The following CCDC85A variants were observed in gnomAD, a reference collection of about 807,000 sequenced individuals.
CCDC85A encodes the protein coiled-coil domain containing 85A, also known as coiled-coil domain-containing protein 85A.
A neutral mutation model predicts 50.2 loss-of-function variants in CCDC85A; 38 were observed. That is an observed-to-expected ratio of 0.76 (90% CI 0.58 to 0.99). The LOEUF (loss-of-function observed/expected upper bound fraction) is 0.99. Ranked by LOEUF, CCDC85A falls within the 50% of genes least tolerant of loss-of-function variation. The pLI, the probability that CCDC85A is intolerant of heterozygous loss-of-function variation, is 0.00. For missense variants in CCDC85A, 820 were observed against 742.0 expected, an observed-to-expected ratio of 1.11 and a Z score of -1.22; for synonymous variants, 366 against 301.4, an observed-to-expected ratio of 1.21 and a Z score of -2.22.
At chr2:56,254,228 C>A (rs1350959924) in intron 2 of CCDC85A, among the ~76,000 whole-genome samples, 1 of 151,852 alleles carries the variant, frequency 6.6e-6, no homozygotes, top group East Asian at 1.9e-4. Flanking sequence ...AAAATTAATA[C>A]CTACCTCCTG....
At chr2:56,317,221 A>G (rs1672962279) in intron 2 of CCDC85A, among the ~76,000 whole-genome samples, 4 of 152,160 alleles carry the variant, frequency 2.6e-5, no homozygotes, top group Non-Finnish European at 5.9e-5. Context: ...AACTTTAATG[A>G]AAATATGTAG....
chr2:56,206,082 G>A (rs932134375), intron 2 of CCDC85A, among the ~76,000 whole-genome samples: 1 of 152,148 alleles, frequency 6.6e-6, no homozygotes. Context: ...GTGAGGAGAT[G>A]AGTAGGTCTA....
At chr2:56,224,522 G>C (rs1668462373) in intron 2 of CCDC85A, among the ~76,000 whole-genome samples, 1 of 152,126 alleles carries the variant, frequency 6.6e-6, no homozygotes, top group African/African-American at 2.4e-5. Context: ...AACATTTTGA[G>C]AACCTGCCAG....
At chr2:56,226,207 G>A (rs1232775900) in intron 2 of CCDC85A, among the ~76,000 whole-genome samples, 1 of 152,198 alleles carries the variant, frequency 6.6e-6, no homozygotes. Context: ...TGCTCTGAGA[G>A]AAATTTACTT....
At position 56,184,637 on chromosome 2, in the gene CCDC85A, G is replaced by T. The variant is rs1207993111; in HGVS notation, c.13G>T (p.Ala5Ser). 1 of 1,432,430 alleles carries T rather than the reference G, an allele frequency of 7.0e-7. No individual in the cohort carries two copies. Among genetic ancestry groups the T allele is most frequent in the Non-Finnish European group, 9.0e-7 (1 of 1,106,756 alleles). The allele number at this position is 1,432,430 out of a possible 1,614,324, so 88.7% of individuals were successfully genotyped here. MSKA[A>S]GGAAAAAAAA... ...CCCCGCGGATACCATGTCGAAGGCG[G>T]CCGGAGGCGCGGCGGCGGCTGCGGC... The change falls in exon 1 of 6, where the codon GCC (alanine) becomes TCC (serine). Residue 5 changes from alanine to serine, a missense_variant. Ala to Ser is a moderately conservative substitution (Grantham distance 99, BLOSUM62 1). Coordinates refer to ENST00000407595, the MANE Select transcript of CCDC85A (RefSeq NM_001080433.2).
intron 2 of CCDC85A, among the ~76,000 whole-genome samples, chr2:56,337,148 G>A (rs1394651216): frequency 2.6e-5 from 4 of 152,096 alleles, no homozygotes; most frequent in African/African-American, 4.8e-5. Context: ...TAGAAGATGC[G>A]GAATTTAATG....
At chr2:56,342,480 T>C (rs1674421624) in intron 2 of CCDC85A, among the ~76,000 whole-genome samples, 1 of 152,222 alleles carries the variant, frequency 6.6e-6, no homozygotes, top group Non-Finnish European at 1.5e-5. Context: ...GTGATTTTAC[T>C]AATTAATAAT....
chr2:56,285,107 T>C (rs1203963532), intron 2 of CCDC85A, among the ~76,000 whole-genome samples: 2 of 151,744 alleles, frequency 1.3e-5, no homozygotes, highest in Non-Finnish European at 2.9e-5. Context: ...CTTTCTTTTT[T>C]TTTTTTCTCT....
intron 1 of CCDC85A, among the ~76,000 whole-genome samples, chr2:56,190,215 G>T (rs1676239796): frequency 6.6e-6 from 1 of 152,202 alleles, no homozygotes; most frequent in Admixed American, 6.5e-5. Flanking sequence ...CAAGACCAAA[G>T]ATTTTTCAGG....
At chr2:56,330,516 C>G (rs750082486) in intron 2 of CCDC85A, among the ~76,000 whole-genome samples, 1 of 152,166 alleles carries the variant, frequency 6.6e-6, no homozygotes, top group African/African-American at 2.4e-5. Context: ...CTCCCTCCCT[C>G]CCTCTTTCCT....
chr2:56,227,748 G>A (rs1031730997), intron 2 of CCDC85A, among the ~76,000 whole-genome samples: 2 of 151,698 alleles, frequency 1.3e-5, no homozygotes, highest in Admixed American at 6.6e-5. Context: ...TTTAATAGCT[G>A]TCTGTTTATG....
intron 5 of CCDC85A, among the ~76,000 whole-genome samples, chr2:56,383,996 C>T (rs535005428): frequency 6.6e-6 from 1 of 151,888 alleles, no homozygotes; most frequent in Non-Finnish European, 1.5e-5. Flanking sequence ...GAGTTGGGGA[C>T]CACTTACGTA....
chr2:56,255,132 C>A (rs1669927638), intron 2 of CCDC85A, among the ~76,000 whole-genome samples: 1 of 152,138 alleles, frequency 6.6e-6, no homozygotes, highest in Admixed American at 6.5e-5. Flanking sequence ...TGGAAGTGAC[C>A]CATATTACTT....
intron 2 of CCDC85A, among the ~76,000 whole-genome samples, chr2:56,335,475 C>G (rs1322295828): frequency 6.6e-6 from 1 of 152,016 alleles, no homozygotes; most frequent in East Asian, 1.9e-4. Context: ...TTATAGTGAA[C>G]AGAAATTTAT....
intron 2 of CCDC85A, among the ~76,000 whole-genome samples, chr2:56,245,251 TG>T (rs1669449662): frequency 6.6e-6 from 1 of 152,232 alleles, no homozygotes; most frequent in Non-Finnish European, 1.5e-5. Context: ...TTCCACCAGC[TG>T]GGATGGGTGA....
intron 1 of CCDC85A, among the ~76,000 whole-genome samples, chr2:56,186,245 G>T (rs372866810): frequency 6.6e-6 from 1 of 152,182 alleles, no homozygotes; most frequent in Non-Finnish European, 1.5e-5. Flanking sequence ...TGTTTATTAA[G>T]TGCCAGTCTC....
At chr2:56,280,070 A>AC (rs915372625) in intron 2 of CCDC85A, among the ~76,000 whole-genome samples, 67 of 151,744 alleles carry the variant, frequency 4.4e-4, no homozygotes, top group African/African-American at 1.4e-3. Context: ...TACTATCCTC[A>AC]CCCCCCCACC....
At chr2:56,309,978 A>G (rs541710910) in intron 2 of CCDC85A, among the ~76,000 whole-genome samples, 74 of 152,236 alleles carry the variant, frequency 4.9e-4, no homozygotes, top group African/African-American at 1.7e-3. Context: ...TGCCCTTTAT[A>G]TATTTGCACA....
At chr2:56,294,256 G>A (rs574522505) in intron 2 of CCDC85A, among the ~76,000 whole-genome samples, 1 of 151,996 alleles carries the variant, frequency 6.6e-6, no homozygotes, top group East Asian at 1.9e-4. Context: ...ATGGACACAA[G>A]GAGGAGAACA....
Sources: allele counts gnomAD v4.1 joint callset (sites outside exome capture counted in the v4.1 genomes callset), GRCh38; gene constraint gnomAD v4.1.1; transcripts MANE v1.5; gene names NCBI Gene and HGNC (gene_info 2026-07-23, HGNC 2026-07-21).